MEMO1: variants seen among roughly 807,000 people sequenced by gnomAD.
MEMO1 encodes the protein mediator of cell motility 1, also known as protein MEMO1.
A neutral mutation model predicts 45.2 loss-of-function variants in MEMO1; 6 were observed. The ratio of observed to expected loss-of-function variants is 0.13; its 90% CI spans 0.07 to 0.26. The LOEUF is 0.26. Among genes scored for constraint, MEMO1 ranks in the 10% least tolerant of loss-of-function variants. MEMO1 has a pLI of 1.00. For synonymous variants in MEMO1, 78 were observed against 124.3 expected, an observed-to-expected ratio of 0.63 and a Z score of 2.48; for missense variants, 184 against 370.5, an observed-to-expected ratio of 0.50 and a Z score of 4.13.
At chr2:31,942,952 T>C (rs1054777813) in intron 3 of MEMO1, among the ~76,000 whole-genome samples, 1 of 152,210 alleles carries the variant, frequency 6.6e-6, no homozygotes, top group African/African-American at 2.4e-5. Context: ...TAGATACTCA[T>C]TTACTAATAA....
At chr2:31,889,458 G>C (rs1316735261) in intron 7 of MEMO1, among the ~76,000 whole-genome samples, 2 of 152,018 alleles carry the variant, frequency 1.3e-5, no homozygotes, top group African/African-American at 4.8e-5. Flanking sequence ...TTATCTTCAT[G>C]AGAAAAAGCT....
chr2:31,953,706 C>T (rs549048447), intron 2 of MEMO1, among the ~76,000 whole-genome samples: 22 of 152,104 alleles, frequency 1.4e-4, no homozygotes, highest in Non-Finnish European at 3.1e-4. Context: ...ATCCGCCCAC[C>T]TTGGCATCCC....
At chr2:31,960,237 A>C (rs1466538855) in intron 2 of MEMO1, among the ~76,000 whole-genome samples, 3 of 152,124 alleles carry the variant, frequency 2.0e-5, no homozygotes, top group Non-Finnish European at 4.4e-5. Flanking sequence ...CTGCACATTC[A>C]CATTAAACAA....
intron 8 of MEMO1, among the ~76,000 whole-genome samples, chr2:31,879,834 C>T (rs1186527996): frequency 6.6e-6 from 1 of 152,142 alleles, no homozygotes; most frequent in Non-Finnish European, 1.5e-5. Context: ...AAGTGCAGTT[C>T]TAAACATAAC....
At chr2:31,978,150 G>GGT (rs1158292292) in intron 2 of MEMO1, among the ~76,000 whole-genome samples, 2 of 152,106 alleles carry the variant, frequency 1.3e-5, no homozygotes, top group African/African-American at 4.8e-5. Flanking sequence ...ACTGTGGTAA[G>GGT]TCAAGGCGGG....
chr2:31,969,448 T>C (rs1471538532), intron 2 of MEMO1, among the ~76,000 whole-genome samples: 1 of 151,852 alleles, frequency 6.6e-6, no homozygotes, highest in Non-Finnish European at 1.5e-5. Flanking sequence ...TATACGCATA[T>C]ATATCACACA....
intron 3 of MEMO1, among the ~76,000 whole-genome samples, chr2:31,933,350 TTTATA>T (rs1302615847): frequency 8.2e-5 from 1 of 12,244 alleles, no homozygotes; most frequent in African/African-American, 3.3e-4. Flanking sequence ...AAAAAAAAAA[TTTATA>T]TATATATATA....
At chr2:31,923,462 T>A in intron 4 of MEMO1, 4 of 634,138 alleles carry the variant, frequency 6.3e-6, no homozygotes, top group Non-Finnish European at 7.0e-6. Flanking sequence ...AAAAAAAAAG[T>A]CAAATCTATA....
intron 8 of MEMO1, among the ~76,000 whole-genome samples, chr2:31,877,941 C>G (rs200066916): frequency 6.6e-6 from 1 of 152,310 alleles, no homozygotes; most frequent in East Asian, 1.9e-4. Context: ...ATATTCTAAT[C>G]ACTATTCTAG....
chr2:31,883,069 T>C (rs972196790), intron 8 of MEMO1, among the ~76,000 whole-genome samples: 2 of 152,138 alleles, frequency 1.3e-5, no homozygotes, highest in Admixed American at 6.5e-5. Flanking sequence ...TCTGCTATGG[T>C]TATTACTGCT....
At chr2:31,993,387 C>T (rs1672177059) in intron 2 of MEMO1, among the ~76,000 whole-genome samples, 1 of 152,096 alleles carries the variant, frequency 6.6e-6, no homozygotes, top group South Asian at 2.1e-4. Context: ...GGCAACAGGA[C>T]TGTGGAAAAG....
chr2:31,992,006 G>A (rs1363138585), intron 2 of MEMO1, among the ~76,000 whole-genome samples: 1 of 152,110 alleles, frequency 6.6e-6, no homozygotes, highest in Non-Finnish European at 1.5e-5. Flanking sequence ...CTCAACCTTC[G>A]CTTGCATCTC....
At chr2:31,958,570 G>A (rs1403689575) in intron 2 of MEMO1, among the ~76,000 whole-genome samples, 1 of 152,076 alleles carries the variant, frequency 6.6e-6, no homozygotes, top group African/African-American at 2.4e-5. Context: ...ATCAGCAAAT[G>A]AACTAATAAC....
chr2:31,994,970 GAGAGAGGA>G (rs1184016972), intron 2 of MEMO1, among the ~76,000 whole-genome samples: 101 of 144,966 alleles, frequency 7.0e-4, no homozygotes, highest in African/African-American at 2.3e-3. Flanking sequence ...GGAAAAGAGG[GAGAGAGGA>G]AGGGAGGAAG....
At chr2:31,886,064 A>C (rs186989373) in intron 7 of MEMO1, among the ~76,000 whole-genome samples, 1 of 152,380 alleles carries the variant, frequency 6.6e-6, no homozygotes, top group Admixed American at 6.5e-5. Context: ...ATGGGATTTA[A>C]TGAGAATGCA....
At chr2:31,927,826 T>G (rs1419318214) in intron 4 of MEMO1, among the ~76,000 whole-genome samples, 3 of 152,190 alleles carry the variant, frequency 2.0e-5, no homozygotes, top group Admixed American at 1.3e-4. Context: ...GGTCTACATT[T>G]GGTGTCCTTA....
At chr2:32,004,881 C>T (rs1408662011) in intron 2 of MEMO1, among the ~76,000 whole-genome samples, 1 of 150,888 alleles carries the variant, frequency 6.6e-6, no homozygotes, top group Non-Finnish European at 1.5e-5. Flanking sequence ...GAGCTGAGAT[C>T]GCACCACTGC....
At chr2:31,904,783 G>T (rs1485802166) in intron 6 of MEMO1, among the ~76,000 whole-genome samples, 1 of 152,184 alleles carries the variant, frequency 6.6e-6, no homozygotes, top group Non-Finnish European at 1.5e-5. Context: ...TAAAGGCAAA[G>T]TGATATAAAA....
At chr2:31,943,525 T>C in intron 2 of MEMO1, 142 bp from the exon 3 acceptor site, 1 of 676,100 alleles carries the variant, frequency 1.5e-6, no homozygotes, top group Non-Finnish European at 2.6e-6. Context: ...ATGTTAATGT[T>C]TGAATTTACC....
Sources: allele counts gnomAD v4.1 joint callset (sites outside exome capture counted in the v4.1 genomes callset), GRCh38; gene constraint gnomAD v4.1.1; transcripts MANE v1.5; gene names NCBI Gene and HGNC (gene_info 2026-07-23, HGNC 2026-07-21).